GATAD2B: variants seen among roughly 807,000 people sequenced by gnomAD.
GATAD2B encodes the protein GATA zinc finger domain containing 2B, also known as transcriptional repressor p66-beta.
In GATAD2B, 8 loss-of-function variants were observed where a neutral mutation model predicts 64.3. That is an observed-to-expected ratio of 0.12 (90% CI 0.07 to 0.22). The LOEUF (loss-of-function observed/expected upper bound fraction) is 0.22. GATAD2B is among the 10% of genes least tolerant of loss of function. The pLI, the probability that GATAD2B is intolerant of heterozygous loss-of-function variation, is 1.00. For missense variants in GATAD2B, 453 were observed against 752.0 expected, an observed-to-expected ratio of 0.60 and a Z score of 4.65; for synonymous variants, 281 against 271.3, an observed-to-expected ratio of 1.04 and a Z score of -0.35.
At chr1:153,852,490 C>T (rs1236176792) in intron 1 of GATAD2B, 12 of 761,298 alleles carry the variant, frequency 1.6e-5, no homozygotes, top group Admixed American at 1.2e-4. Flanking sequence ...GTACGTGACT[C>T]GATGTGCTCT....
At chr1:153,844,421 T>TA (rs764420139) in intron 1 of GATAD2B, among the ~76,000 whole-genome samples, 3,716 of 80,238 alleles carry the variant, frequency 0.046, 103 homozygotes, top group African/African-American at 0.13. Context: ...TAACAAATTA[T>TA]AAAAAAAAAA....
chr1:153,903,892 T>C (rs2101962590), intron 1 of GATAD2B, among the ~76,000 whole-genome samples: 1 of 152,214 alleles, frequency 6.6e-6, no homozygotes, highest in East Asian at 1.9e-4. Context: ...GTTAAAGTGG[T>C]ACAATCACCT....
intron 1 of GATAD2B, among the ~76,000 whole-genome samples, chr1:153,881,606 A>C (rs1677012712): frequency 6.6e-6 from 1 of 152,242 alleles, no homozygotes; most frequent in Non-Finnish European, 1.5e-5. Context: ...AGAGATTTCG[A>C]GTTTCTGCTT....
chr1:153,810,000 T>G lies in GATAD2B; in HGVS notation c.*177A>C. 1 of 582,962 alleles carries G rather than the reference T, an allele frequency of 1.7e-6. No homozygotes were observed. Among genetic ancestry groups the G allele is most frequent in the Non-Finnish European group, 3.0e-6 (1 of 332,482 alleles). The allele number at this position is 582,962 out of a possible 1,614,324, so 36.1% of individuals were successfully genotyped here. ...GCAGCAGTGTGAAATAAAGGGGAGG[T>G]GGCAGGGCAGGGCGTGTGTTTTCTT... is the stretch of plus-strand genomic sequence containing the variant. On this transcript the variant is annotated 3_prime_UTR_variant, in exon 11 of 11. Coordinates refer to ENST00000368655, the MANE Select transcript of GATAD2B (RefSeq NM_020699.4).
At chr1:153,871,875 AGTAG>A (rs1361378112) in intron 1 of GATAD2B, among the ~76,000 whole-genome samples, 1 of 152,064 alleles carries the variant, frequency 6.6e-6, no homozygotes, top group Non-Finnish European at 1.5e-5. Context: ...ACTTGAACCC[AGTAG>A]GTCAAGGCTG....
intron 1 of GATAD2B, among the ~76,000 whole-genome samples, chr1:153,857,580 T>C (rs950428369): frequency 6.6e-6 from 1 of 152,138 alleles, no homozygotes; most frequent in African/African-American, 2.4e-5. Context: ...ATGTAAAACT[T>C]AGTCACTATA....
In GATAD2B at chr1:153,852,860, G is replaced by A. The variant is rs1675950499; in HGVS notation, c.-1-24512C>T. The A allele has an allele frequency of 1.5e-5, 12 of 781,778 alleles. 1 individual carries two copies. The highest frequency in any genetic ancestry group is 7.4e-5 in the South Asian group (5 of 67,136). The allele number at this position is 781,778 out of a possible 1,614,324, so 48.4% of individuals were successfully genotyped here. A position where few individuals can be genotyped will look rare whatever the true frequency, so the allele number is the denominator to read the frequency against. On this transcript the variant is annotated intron_variant, in intron 1 of 10. Transcript: ENST00000368655. The stretch of plus-strand genomic sequence containing the variant: ...TCTTCCCCAGTGAGAGGGAGGTACT[G>A]TCCTACCAAGAGCTCTGATTTGGTG...
chr1:153,918,746 A>G (rs1029806892), intron 1 of GATAD2B, among the ~76,000 whole-genome samples: 2 of 152,130 alleles, frequency 1.3e-5, no homozygotes, highest in Admixed American at 6.6e-5. Context: ...TGAGGTCAGG[A>G]GTTCGAGACC....
chr1:153,909,011 G>A (rs1206790064), intron 1 of GATAD2B, among the ~76,000 whole-genome samples: 1 of 151,770 alleles, frequency 6.6e-6, no homozygotes, highest in Non-Finnish European at 1.5e-5. Context: ...GACCTGCCTG[G>A]ACAACACAGC....
Position 153,810,013 on chromosome 1 carries a change from CGT to C in GATAD2B, c.*162_*163del, listed in dbSNP as rs1043145049. 4.8e-6 allele frequency: 3 copies of C among 630,680 alleles called. No homozygotes were observed. In the African/African-American group the frequency reaches 5.7e-5, roughly 12 times the overall value. The allele number at this position is 630,680 out of a possible 1,614,324, so 39.1% of individuals were successfully genotyped here. ...ATAAAGGGGAGGTGGCAGGGCAGGG[CGT>C]GTGTTTTCTTGCTGATCTCTATTTT... On this transcript the variant is annotated 3_prime_UTR_variant, in exon 11 of 11. Coordinates refer to ENST00000368655, the MANE Select transcript of GATAD2B (RefSeq NM_020699.4).
intron 10 of GATAD2B, 52 bp downstream of exon 10, chr1:153,811,679 T>A: frequency 9.2e-7 from 1 of 1,085,380 alleles, no homozygotes; most frequent in Non-Finnish European, 1.4e-6. Context: ...CAGAACTGTA[T>A]ACTAACTAAC....
chr1:153,813,231 G>A lies in GATAD2B; in HGVS notation c.1419+19C>T, dbSNP rs746040384. On this transcript the variant is annotated intron_variant, in intron 8 of 10. Coordinates refer to ENST00000368655, the MANE Select transcript of GATAD2B (RefSeq NM_020699.4). Reference sequence around the variant, plus strand: ...AAACAAACTGGGACAGGTGGCCAGTGAGCAGTCAGAATTCTTACCTGTTCC... The same window carrying A: ...AAACAAACTGGGACAGGTGGCCAGTAAGCAGTCAGAATTCTTACCTGTTCC... 7.5e-6 allele frequency: 12 copies of A among 1,600,568 alleles called. No homozygotes were observed. In the East Asian group the frequency reaches 1.6e-4, roughly 21 times the overall value.
At chr1:153,839,756 G>A (rs1298132744) in intron 1 of GATAD2B, among the ~76,000 whole-genome samples, 3 of 152,102 alleles carry the variant, frequency 2.0e-5, no homozygotes, top group Admixed American at 6.6e-5. Context: ...GATCACTTGA[G>A]GTTAGGAGTT....
At chr1:153,864,708 A>T (rs1676420317) in intron 1 of GATAD2B, among the ~76,000 whole-genome samples, 1 of 152,206 alleles carries the variant, frequency 6.6e-6, no homozygotes, top group Admixed American at 6.6e-5. Flanking sequence ...CAAGTATCTA[A>T]TTCTCAGAAC....
intron 1 of GATAD2B, among the ~76,000 whole-genome samples, chr1:153,884,741 C>G (rs1051168963): frequency 2.8e-4 from 42 of 152,088 alleles, no homozygotes; most frequent in African/African-American, 1.0e-3. Flanking sequence ...AAGGTAGGAT[C>G]TTTTCTCCAT....
chr1:153,855,272 T>C (rs1247852564), intron 1 of GATAD2B, among the ~76,000 whole-genome samples: 1 of 152,062 alleles, frequency 6.6e-6, no homozygotes, highest in African/African-American at 2.4e-5. Flanking sequence ...TCTTGCTCTG[T>C]TGCCCAGACT....
intron 7 of GATAD2B, among the ~76,000 whole-genome samples, chr1:153,815,690 GATAGA>G (rs1570926669): frequency 2.0e-5 from 3 of 152,112 alleles, no homozygotes; most frequent in Non-Finnish European, 2.9e-5. Context: ...TGATAGATTA[GATAGA>G]ATAGAATAGA....
At chr1:153,911,950 T>C (rs774167094) in intron 1 of GATAD2B, among the ~76,000 whole-genome samples, 1 of 152,194 alleles carries the variant, frequency 6.6e-6, no homozygotes, top group Non-Finnish European at 1.5e-5. Flanking sequence ...TACATTTTAA[T>C]TTTTCTATTT....
intron 1 of GATAD2B, among the ~76,000 whole-genome samples, chr1:153,915,024 A>G (rs1056575379): frequency 6.6e-6 from 1 of 152,136 alleles, no homozygotes; most frequent in Non-Finnish European, 1.5e-5. Flanking sequence ...GGAGTCTGAG[A>G]CCAGCCTGGC....
Sources: gnomAD v4.1 joint callset for allele counts (sites outside exome capture counted in the v4.1 genomes callset) on GRCh38, gnomAD v4.1.1 for gene constraint, MANE v1.5 for transcripts, NCBI Gene and HGNC (gene_info 2026-07-23, HGNC 2026-07-21) for gene names.